The following PHLDB3 variants were observed in gnomAD, a reference collection of about 807,000 sequenced individuals.
PHLDB3 encodes pleckstrin homology-like domain family B member 3.
Under a neutral mutation model 85.7 loss-of-function variants are expected in PHLDB3, and 86 were observed. The ratio of observed to expected loss-of-function variants is 1.00; its 90% CI spans 0.84 to 1.20. PHLDB3 has a LOEUF of 1.20. Among genes scored for constraint, PHLDB3 ranks in the 50% most tolerant of loss-of-function variants. The probability of loss-of-function intolerance (pLI) is 0.00; values close to 1 mark genes in which losing one functional copy is unlikely to be tolerated. For synonymous variants in PHLDB3, 376 were observed against 349.8 expected, an observed-to-expected ratio of 1.07 and a Z score of -0.83; for missense variants, 995 against 873.0, an observed-to-expected ratio of 1.14 and a Z score of -1.76.
chr19:43,494,108 C>A (rs1198482513), intron 9 of PHLDB3, among the ~76,000 whole-genome samples: 1 of 152,186 alleles, frequency 6.6e-6, no homozygotes, highest in Non-Finnish European at 1.5e-5. Context: ...TCTCGGCTCA[C>A]TGCAACCTCT....
In PHLDB3 at chr19:43,480,060, A is replaced by C. The variant is rs905404447; in HGVS notation, c.1486-467T>G. 2.0e-5 allele frequency among the ~76,000 whole-genome samples: 3 copies of C among 151,868 alleles called. No homozygotes were observed. In the South Asian group the frequency reaches 6.3e-4, roughly 32 times the overall value. On this transcript the variant is annotated intron_variant, in intron 13 of 15. Transcript: ENST00000292140. ...GAGGTAGGAGGATCCCTTAGGCCTA[A>C]GAATTCAAGGGCAGCCTGGGCAACA... is the stretch of plus-strand genomic sequence containing the variant.
chr19:43,502,065 T>C (rs775609217), intron 3 of PHLDB3, 36 bp downstream of exon 3: 19 of 1,544,308 alleles, frequency 1.2e-5, no homozygotes, highest in Non-Finnish European at 6.1e-6. Context: ...TCCGCTTGAG[T>C]TGGGGCCAGG....
chr19:43,494,660 C>T (rs1971399202), intron 9 of PHLDB3, 42 bp downstream of exon 9: 27 of 1,487,372 alleles, frequency 1.8e-5, no homozygotes, highest in Non-Finnish European at 2.5e-5. Flanking sequence ...TCCTCACTGA[C>T]CAATAAGATA....
At chr19:43,493,311 TAAATA>T (rs1226774445) in intron 9 of PHLDB3, among the ~76,000 whole-genome samples, 11 of 149,034 alleles carry the variant, frequency 7.4e-5, no homozygotes, top group Non-Finnish European at 1.5e-4. Context: ...AATAAATAAA[TAAATA>T]AAATAAAAGC....
intron 15 of PHLDB3, among the ~76,000 whole-genome samples, chr19:43,476,653 A>G (rs1264814533): frequency 3.4e-5 from 5 of 147,580 alleles, no homozygotes; most frequent in Non-Finnish European, 7.5e-5. Flanking sequence ...ATGGAGCAAG[A>G]AAAAAAAAAA....
At chr19:43,478,630 A>G (rs1308055961) in intron 14 of PHLDB3, among the ~76,000 whole-genome samples, 3 of 152,178 alleles carry the variant, frequency 2.0e-5, no homozygotes, top group African/African-American at 7.2e-5. Flanking sequence ...CAAGCGTCCA[A>G]GGAGGCTGGG....
chr19:43,478,212 A>T lies in PHLDB3; in HGVS notation c.1703-80T>A, dbSNP rs73937429. 1.1e-3 allele frequency: 1,209 copies of T among 1,062,006 alleles called. 4 individuals carry two copies. In the African/African-American group the frequency reaches 0.017, roughly 15 times the overall value. 65.8% of individuals were successfully genotyped at this position (1,062,006 alleles called of 1,614,324 possible). Reference sequence around the variant, plus strand: ...TGTCGAGGTGAGGGTCATTGGCCCTAAGTCCTGAGACTGGATTTGGGTAAG... The same window carrying T: ...TGTCGAGGTGAGGGTCATTGGCCCTTAGTCCTGAGACTGGATTTGGGTAAG... On this transcript the variant is annotated intron_variant, in intron 14 of 15. Transcript: ENST00000292140.
At chr19:43,501,634 G>A in intron 4 of PHLDB3, 100 bp downstream of exon 4, 14 of 1,514,406 alleles carry the variant, frequency 9.2e-6, no homozygotes, top group African/African-American at 1.4e-5. Flanking sequence ...TCTTCCTTTG[G>A]GGAATGGGGA....
At chr19:43,501,620 A>G (rs1460970560) in intron 4 of PHLDB3, 114 bp downstream of exon 4, 1 of 1,495,360 alleles carries the variant, frequency 6.7e-7, no homozygotes, top group Non-Finnish European at 8.9e-7. Context: ...CAGGAGCCCA[A>G]ATGTCTTCCT....
intron 4 of PHLDB3, among the ~76,000 whole-genome samples, chr19:43,500,046 C>T (rs192180389): frequency 8.1e-4 from 124 of 152,158 alleles, no homozygotes; most frequent in Admixed American, 1.8e-3. Flanking sequence ...TCGAGACCAG[C>T]CTGACCAGCA....
At chr19:43,486,180 G>T in intron 13 of PHLDB3, 86 bp downstream of exon 13, 1 of 1,436,640 alleles carries the variant, frequency 7.0e-7, no homozygotes, top group Non-Finnish European at 9.1e-7. Flanking sequence ...TGGAGGAGAG[G>T]AAAGGGTCAG....
intron 4 of PHLDB3, among the ~76,000 whole-genome samples, chr19:43,500,913 C>A (rs1196176904): frequency 9.6e-6 from 1 of 104,218 alleles, no homozygotes; most frequent in Non-Finnish European, 2.0e-5. Context: ...CCCCGTACCC[C>A]CCCCCCACCC....
Position 43,475,351 on chromosome 19 carries a change from C to A in PHLDB3, c.*59G>T. The A allele has an allele frequency of 6.3e-7, 1 of 1,593,716 alleles. No homozygotes were observed. Among genetic ancestry groups the A allele is most frequent in the South Asian group, 1.1e-5 (1 of 89,430 alleles). On this transcript the variant is annotated 3_prime_UTR_variant, in exon 16 of 16. Coordinates refer to ENST00000292140, the MANE Select transcript of PHLDB3 (RefSeq NM_198850.4). ...GGCAGTGGGCGGGGCCTAGGAACGC[C>A]CCCGCGCCCCGCGCCGGCGGAGCCT...
At chr19:43,483,909 G>A (rs957430687) in intron 13 of PHLDB3, among the ~76,000 whole-genome samples, 2 of 152,106 alleles carry the variant, frequency 1.3e-5, no homozygotes, top group African/African-American at 4.8e-5. Context: ...GAGGCTCGAG[G>A]CCAGGAATTC....
In PHLDB3 at chr19:43,478,043, T is replaced by A; in HGVS notation, c.1788+4A>T. 1 of 1,609,146 alleles carries A rather than the reference T, an allele frequency of 6.2e-7. No individual in the cohort carries two copies. Among genetic ancestry groups the A allele is most frequent in the Non-Finnish European group, 8.5e-7 (1 of 1,175,796 alleles). ...GAGGTCAGGGTGACATTGAGGGGCT[T>A]CACCTTGAAGGCACAGCGTAAGTGG... On this transcript the variant is annotated splice_donor_region_variant and intron_variant, in intron 15 of 15. Coordinates refer to ENST00000292140, the MANE Select transcript of PHLDB3 (RefSeq NM_198850.4).
At chr19:43,486,164 T>A in intron 13 of PHLDB3, 102 bp downstream of exon 13, 2 of 1,417,958 alleles carry the variant, frequency 1.4e-6, no homozygotes, top group Non-Finnish European at 1.8e-6. Flanking sequence ...CAATTTTCTG[T>A]TCAATTGGAG....
At position 43,475,312 on chromosome 19, in the gene PHLDB3, C is replaced by A; in HGVS notation, c.*98G>T. 2.0e-6 allele frequency: 3 copies of A among 1,469,066 alleles called. No individual in the cohort carries two copies. The highest frequency in any genetic ancestry group is 1.3e-5 in the South Asian group (1 of 78,202). The allele number at this position is 1,469,066 out of a possible 1,614,324, so 91.0% of individuals were successfully genotyped here. A position where few individuals can be genotyped will look rare whatever the true frequency, so the allele number is the denominator to read the frequency against. ...TTCCCGGGAGAGTTCCAAAGCGGTG[C>A]GTCCAAGTTTTCCGGCAGTGGGCGG... On this transcript the variant is annotated 3_prime_UTR_variant, in exon 16 of 16. Transcript: ENST00000292140.
Position 43,479,583 on chromosome 19 carries a change from G to A in PHLDB3, c.1496C>T (p.Thr499Ile). ...PAVPAITAPP[T>I]PPHPPGPRIL... ...TCGCGGGCCTGGAGGGTGGGGTGGG[G>A]TGGGTGGGGCCTGGGGAGCAAAGAG... The change falls in exon 14 of 16, where the codon ACC becomes ATC. Residue 499 changes from threonine (T) to isoleucine (I), a missense_variant. Physicochemically the swap from Thr to Ile is moderately conservative, Grantham distance 89. Transcript: ENST00000292140. 6.7e-7 allele frequency: 1 copy of A among 1,487,226 alleles called. No individual in the cohort carries two copies. Among genetic ancestry groups the A allele is most frequent in the South Asian group, 1.2e-5 (1 of 82,774 alleles). The allele number at this position is 1,487,226 out of a possible 1,614,324, so 92.1% of individuals were successfully genotyped here.
Position 43,487,948 on chromosome 19 carries a change from G to A in PHLDB3, c.1150-825C>T, listed in dbSNP as rs542568556. On this transcript the variant is annotated intron_variant, in intron 9 of 15. Coordinates refer to ENST00000292140, the MANE Select transcript of PHLDB3 (RefSeq NM_198850.4). Reference sequence around the variant, plus strand: ...GCGGGTGAATAACTTGAGGTCAGGCGTTTGAGACCAGCCAGGCCAACATGG... The same window carrying A: ...GCGGGTGAATAACTTGAGGTCAGGCATTTGAGACCAGCCAGGCCAACATGG... Among the ~76,000 whole-genome samples, 10 of 152,034 alleles carry A rather than the reference G, an allele frequency of 6.6e-5. No individual in the cohort carries two copies. The East Asian group carries it at 9.7e-4, about 15-fold the overall frequency.
Sources: allele counts gnomAD v4.1 joint callset (sites outside exome capture counted in the v4.1 genomes callset), GRCh38; gene constraint gnomAD v4.1.1; transcripts MANE v1.5; gene names NCBI Gene and HGNC (gene_info 2026-07-23, HGNC 2026-07-21).